CDC42BPA: variants seen among roughly 807,000 people sequenced by gnomAD.
CDC42BPA encodes CDC42 binding protein kinase alpha, also known as serine/threonine-protein kinase MRCK alpha.
CDC42BPA carries 80 observed loss-of-function variants against 223.5 expected under a neutral mutation model. That is an observed-to-expected ratio of 0.36 (90% confidence interval 0.30 to 0.43). CDC42BPA has a LOEUF of 0.43. CDC42BPA is among the 20% of genes least tolerant of loss of function. The pLI, the probability that CDC42BPA is intolerant of heterozygous loss-of-function variation, is 1.00. For synonymous variants in CDC42BPA, 694 were observed against 718.6 expected, an observed-to-expected ratio of 0.97 and a Z score of 0.55; for missense variants, 1,743 against 2,099.9, an observed-to-expected ratio of 0.83 and a Z score of 3.32.
At chr1:227,264,786 C>CTG (rs1491424520) in intron 1 of CDC42BPA, 1 of 1,089,560 alleles carries the variant, frequency 9.2e-7, no homozygotes, top group East Asian at 2.4e-5. Flanking sequence ...GAATCTTCCA[C>CTG]TGTTACCTCA....
intron 2 of CDC42BPA, among the ~76,000 whole-genome samples, chr1:227,219,104 TC>T (rs1019831786): frequency 2.6e-5 from 4 of 152,114 alleles, no homozygotes; most frequent in Non-Finnish European, 5.9e-5. Context: ...CTTCTTACTC[TC>T]CCATGAATGC....
intron 14 of CDC42BPA, among the ~76,000 whole-genome samples, chr1:227,108,843 C>T (rs1439682985): frequency 6.6e-6 from 1 of 152,086 alleles, no homozygotes; most frequent in Non-Finnish European, 1.5e-5. Context: ...AGTTGTACTT[C>T]CACAAACCTA....
intron 11 of CDC42BPA, among the ~76,000 whole-genome samples, chr1:227,128,306 T>C (rs375540995): frequency 1.3e-5 from 2 of 152,204 alleles, no homozygotes; most frequent in South Asian, 2.1e-4. Flanking sequence ...ACCTTCTCAG[T>C]CAGGCCTACC....
intron 32 of CDC42BPA, among the ~76,000 whole-genome samples, chr1:227,020,259 G>C (rs1168133775): frequency 6.6e-6 from 1 of 152,160 alleles, no homozygotes; most frequent in South Asian, 2.1e-4. Context: ...TGGCTTCAAC[G>C]TAAAGCCACA....
intron 2 of CDC42BPA, among the ~76,000 whole-genome samples, chr1:227,249,158 C>T (rs1007785409): frequency 1.3e-5 from 2 of 152,082 alleles, no homozygotes; most frequent in Non-Finnish European, 2.9e-5. Context: ...TAATTTTCAA[C>T]AACGGTGCCA....
chr1:227,293,685 C>T (rs1456990821), intron 1 of CDC42BPA, among the ~76,000 whole-genome samples: 2 of 151,986 alleles, frequency 1.3e-5, no homozygotes, highest in African/African-American at 4.8e-5. Context: ...ATCAGCCGGG[C>T]ATGGTGGCTA....
intron 2 of CDC42BPA, among the ~76,000 whole-genome samples, chr1:227,252,365 T>C (rs1682173988): frequency 6.6e-6 from 1 of 152,140 alleles, no homozygotes; most frequent in South Asian, 2.1e-4. Flanking sequence ...GAACAAGTCA[T>C]TTTATTTCCA....
chr1:227,161,664 T>G (rs1227210263), intron 5 of CDC42BPA, among the ~76,000 whole-genome samples: 3 of 152,242 alleles, frequency 2.0e-5, no homozygotes, highest in African/African-American at 7.2e-5. Flanking sequence ...GTTTGCTGCC[T>G]GTTTTTGTAA....
At chr1:227,034,134 T>G (rs1669820053) in intron 26 of CDC42BPA, among the ~76,000 whole-genome samples, 1 of 152,178 alleles carries the variant, frequency 6.6e-6, no homozygotes, top group Admixed American at 6.5e-5. Flanking sequence ...GCAGAGGAGA[T>G]GGCTGAAGCT....
At position 227,073,865 on chromosome 1, in the gene CDC42BPA, A is replaced by T. The variant is rs199653014; in HGVS notation, c.2734T>A (p.Cys912Ser). ...KVKASNIITE[C>S]KLKDSEKKNL... ...TGGGACTATATGATTCAATCTTACC[A>T]TTCTGTTATGATATTAGATGCTTTA... The change falls in exon 19 of 37, where the codon TGT becomes AGT. Residue 912 changes from cysteine to serine, a missense_variant and splice_region_variant. Cys to Ser is a moderately radical substitution (Grantham distance 112, BLOSUM62 -1). This residue lies in a region of CDC42BPA where 678 missense variants were observed against 777.5 expected (regional missense o/e 0.87). Transcript: ENST00000366766. 2.5e-5 allele frequency: 39 copies of T among 1,578,222 alleles called. No individual in the cohort carries two copies. The highest frequency in any genetic ancestry group is 3.1e-5 in the Non-Finnish European group (36 of 1,166,716).
intron 17 of CDC42BPA, among the ~76,000 whole-genome samples, chr1:227,078,832 T>A (rs537177224): frequency 6.6e-6 from 1 of 152,170 alleles, no homozygotes; most frequent in Non-Finnish European, 1.5e-5. Flanking sequence ...GGTTGAGTAT[T>A]CCTAATCTGA....
chr1:227,043,654 CT>C (rs1558359843), intron 23 of CDC42BPA, among the ~76,000 whole-genome samples: 2 of 151,952 alleles, frequency 1.3e-5, no homozygotes, highest in African/African-American at 4.8e-5. Flanking sequence ...CCTTTTCATC[CT>C]TGATGATCCA....
intron 34 of CDC42BPA, among the ~76,000 whole-genome samples, chr1:227,015,027 C>T (rs948706649): frequency 1.3e-5 from 2 of 152,058 alleles, no homozygotes; most frequent in African/African-American, 4.8e-5. Context: ...GCAATCATAG[C>T]TCCCCGCAGC....
intron 5 of CDC42BPA, among the ~76,000 whole-genome samples, chr1:227,164,272 T>G (rs1664623587): frequency 6.6e-6 from 1 of 152,188 alleles, no homozygotes; most frequent in Non-Finnish European, 1.5e-5. Context: ...CTCTTCTAGA[T>G]CAATGCTGGA....
chr1:227,201,515 A>ATAGTT (rs1671750250), intron 3 of CDC42BPA, among the ~76,000 whole-genome samples: 1 of 152,180 alleles, frequency 6.6e-6, no homozygotes, highest in African/African-American at 2.4e-5. Context: ...ACTATGACAG[A>ATAGTT]AACTTCAAAG....
At chr1:227,136,178 A>G (rs1658534270) in intron 10 of CDC42BPA, among the ~76,000 whole-genome samples, 1 of 152,196 alleles carries the variant, frequency 6.6e-6, no homozygotes, top group Non-Finnish European at 1.5e-5. Flanking sequence ...ATATGGGGAA[A>G]TTTCAACAGA....
At chr1:227,213,890 C>G (rs916048241) in intron 2 of CDC42BPA, among the ~76,000 whole-genome samples, 1 of 152,022 alleles carries the variant, frequency 6.6e-6, no homozygotes, top group African/African-American at 2.4e-5. Flanking sequence ...AATTGCAGAT[C>G]AAAAACTATC....
chr1:227,028,284 C>T (rs1271144144), intron 30 of CDC42BPA, among the ~76,000 whole-genome samples: 2 of 152,092 alleles, frequency 1.3e-5, no homozygotes, highest in Non-Finnish European at 2.9e-5. Flanking sequence ...TTAAATAACT[C>T]ACTTAGTAAC....
intron 34 of CDC42BPA, among the ~76,000 whole-genome samples, chr1:227,009,559 C>T (rs146190267): frequency 2.9e-4 from 44 of 152,254 alleles, no homozygotes; most frequent in Non-Finnish European, 4.7e-4. Context: ...CAGGCATGTG[C>T]CACCACATCC....
Sources: allele counts gnomAD v4.1 joint callset (sites outside exome capture counted in the v4.1 genomes callset), GRCh38; gene constraint gnomAD v4.1.1; regional missense constraint gnomAD v4.1.1; transcripts MANE v1.5; gene names NCBI Gene and HGNC (gene_info 2026-07-23, HGNC 2026-07-21).